The following LIPH variants were observed in gnomAD, a reference collection of about 807,000 sequenced individuals.
The protein encoded by LIPH is lipase H.
LIPH carries 32 observed loss-of-function variants against 47.6 expected under a neutral mutation model. The observed-to-expected ratio is 0.67, with a 90% CI of 0.51 to 0.90. LIPH has a LOEUF of 0.90. Among genes scored for constraint, LIPH ranks in the 40% least tolerant of loss-of-function variants. The pLI is 0.00. For missense variants in LIPH, 497 were observed against 541.4 expected (o/e 0.92, Z 0.81); for synonymous variants, 190 against 195.6 (o/e 0.97, Z 0.24).
chr3:185,540,909 A>G (rs965863790), intron 1 of LIPH, among the ~76,000 whole-genome samples: 27 of 151,996 alleles, frequency 1.8e-4, no homozygotes, highest in African/African-American at 6.0e-4. Flanking sequence ...TGGATTTCCG[A>G]CTCGGAGTGC....
At chr3:185,529,183 AAAAAAAAAAG>A (rs1411828289) in intron 3 of LIPH, among the ~76,000 whole-genome samples, 3 of 147,630 alleles carry the variant, frequency 2.0e-5, no homozygotes, top group Non-Finnish European at 4.5e-5. Flanking sequence ...TCTCAAAAAA[AAAAAAAAAAG>A]AAAAAAAGAA....
intron 1 of LIPH, among the ~76,000 whole-genome samples, chr3:185,551,812 AT>A (rs1157719357): frequency 6.6e-6 from 1 of 152,034 alleles, no homozygotes; most frequent in Non-Finnish European, 1.5e-5. Flanking sequence ...GTTGAATTTT[AT>A]TTTTTTAAGC....
intron 1 of LIPH, among the ~76,000 whole-genome samples, chr3:185,542,082 A>G (rs920574809): frequency 6.6e-6 from 1 of 151,964 alleles, no homozygotes; most frequent in African/African-American, 2.4e-5. Context: ...TTATGTGCAA[A>G]TTTATTCATC....
At position 185,527,560 on chromosome 3, in the gene LIPH, G is replaced by A; in HGVS notation, c.552C>T (p.Phe184=). The change falls in exon 4 of 10, where the codon TTC becomes TTT. Residue 184 remains phenylalanine (F), a synonymous_variant. Transcript: ENST00000296252. ...ITGLDPAGPL[F]NGKPHQDRLD... ...ATCTGTCTTGGTGAGGTTTCCCGTTGAATAAAGGGCCTGCAGGGTCGAGGC... is the reference window on the plus strand; with the variant it reads ...ATCTGTCTTGGTGAGGTTTCCCGTTAAATAAAGGGCCTGCAGGGTCGAGGC... 6.2e-7 allele frequency: 1 copy of A among 1,612,364 alleles called. No homozygotes were observed. The highest frequency in any genetic ancestry group is 8.5e-7 in the Non-Finnish European group (1 of 1,179,450).
chr3:185,516,354 A>T (rs1481535937), intron 7 of LIPH, among the ~76,000 whole-genome samples: 1 of 152,142 alleles, frequency 6.6e-6, no homozygotes, highest in East Asian at 1.9e-4. Context: ...GATCGCGTGA[A>T]CCCAGGAGGC....
At chr3:185,551,901 T>G (rs1333779327) in intron 1 of LIPH, among the ~76,000 whole-genome samples, 2 of 152,084 alleles carry the variant, frequency 1.3e-5, no homozygotes, top group African/African-American at 4.8e-5. Context: ...TAATAATTTT[T>G]AAGTTATAAG....
chr3:185,533,702 A>G lies in LIPH; in HGVS notation c.418-23T>C, dbSNP rs559806726. 9.7e-6 allele frequency: 14 copies of G among 1,444,060 alleles called. 1 individual carries two copies. Among genetic ancestry groups the G allele is most frequent in the South Asian group, 9.1e-5 (8 of 87,606 alleles). The allele number at this position is 1,444,060 out of a possible 1,614,324, so 89.5% of individuals were successfully genotyped here. A position where few individuals can be genotyped will look rare whatever the true frequency, so the allele number is the denominator to read the frequency against. ...TGCCTGGAATTTCAAGAGGTCCATC[A>G]TTGTAAATTGTAAGGGGCCAAGGAA... On this transcript the variant is annotated intron_variant, in intron 2 of 9. Coordinates refer to ENST00000296252, the MANE Select transcript of LIPH (RefSeq NM_139248.3).
intron 7 of LIPH, among the ~76,000 whole-genome samples, chr3:185,516,729 T>C (rs1719741067): frequency 6.6e-6 from 1 of 152,214 alleles, no homozygotes; most frequent in African/African-American, 2.4e-5. Flanking sequence ...TCTTAGTGAT[T>C]AGAATGGTCA....
At chr3:185,533,928 CA>C (rs1720418792) in intron 2 of LIPH, among the ~76,000 whole-genome samples, 1 of 152,184 alleles carries the variant, frequency 6.6e-6, no homozygotes, top group African/African-American at 2.4e-5. Flanking sequence ...GAGCAGGATT[CA>C]AAATAGTCTG....
chr3:185,546,001 C>CAAAA (rs529961219), intron 1 of LIPH, among the ~76,000 whole-genome samples: 1 of 130,466 alleles, frequency 7.7e-6, no homozygotes, highest in South Asian at 2.4e-4. Flanking sequence ...ACTAAAAATA[C>CAAAA]AAAAAAAAAA....
intron 1 of LIPH, among the ~76,000 whole-genome samples, chr3:185,547,828 A>C (rs988662185): frequency 2.0e-5 from 3 of 146,698 alleles, no homozygotes; most frequent in African/African-American, 7.4e-5. Flanking sequence ...TCCATCTCCA[A>C]AAAAAAAAAA....
Position 185,525,155 on chromosome 3 carries a change from C to T in LIPH, c.629-995G>A, listed in dbSNP as rs137974499. 4.6e-3 allele frequency among the ~76,000 whole-genome samples: 696 copies of T among 152,012 alleles called. 5 individuals are homozygous for T. The highest frequency in any genetic ancestry group is 0.016 in the African/African-American group (645 of 41,464). On this transcript the variant is annotated intron_variant, in intron 4 of 9. Coordinates refer to ENST00000296252, the MANE Select transcript of LIPH (RefSeq NM_139248.3). Reference sequence around the variant, plus strand: ...ACTCGAGCTAGGAGGAGGAGGGTGCCGTGAGCCAAAAGCGCGACTGCATTC... The same window carrying T: ...ACTCGAGCTAGGAGGAGGAGGGTGCTGTGAGCCAAAAGCGCGACTGCATTC...
At chr3:185,526,296 G>A (rs1435210180) in intron 4 of LIPH, among the ~76,000 whole-genome samples, 5 of 152,098 alleles carry the variant, frequency 3.3e-5, no homozygotes, top group African/African-American at 1.2e-4. Context: ...AAAGGCGGGT[G>A]GATCACCTGA....
chr3:185,533,039 G>A (rs1398166157), intron 3 of LIPH, among the ~76,000 whole-genome samples: 1 of 152,140 alleles, frequency 6.6e-6, no homozygotes, highest in African/African-American at 2.4e-5. Flanking sequence ...AAGCTACTAA[G>A]CCCTAGGCAG....
At chr3:185,540,579 A>T (rs1395225358) in intron 1 of LIPH, among the ~76,000 whole-genome samples, 2 of 151,982 alleles carry the variant, frequency 1.3e-5, no homozygotes, top group Non-Finnish European at 2.9e-5. Context: ...TTAGCCAGGC[A>T]TGGTGGCGTG....
At position 185,508,829 on chromosome 3, in the gene LIPH, T is replaced by A; in HGVS notation, c.1317A>T (p.Thr439=). The change falls in exon 10 of 10, where the codon ACA becomes ACT. Residue 439 remains threonine, a synonymous_variant. Coordinates refer to ENST00000296252, the MANE Select transcript of LIPH (RefSeq NM_139248.3). Reference sequence around the variant, plus strand: ...CTGGGCAAAGAATAGGTTGGAAGACTGTTTCAACGTTTTCCATCAGGACAA... The same window carrying A: ...CTGGGCAAAGAATAGGTTGGAAGACAGTTTCAACGTTTTCCATCAGGACAA... ...YDLVLMENVE[T]VFQPILCPEL... The A allele has an allele frequency of 1.2e-6, 2 of 1,614,020 alleles. No homozygotes were observed. The highest frequency in any genetic ancestry group is 1.7e-6 in the Non-Finnish European group (2 of 1,179,898).
intron 1 of LIPH, among the ~76,000 whole-genome samples, chr3:185,542,055 C>A (rs4362741): frequency 0.36 from 55,385 of 151,908 alleles, 10,246 homozygotes; most frequent in Non-Finnish European, 0.4. Flanking sequence ...CCGTGCCTGG[C>A]CATATTTGTG....
At chr3:185,534,139 C>T (rs140972670) in intron 2 of LIPH, among the ~76,000 whole-genome samples, 1,522 of 152,168 alleles carry the variant, frequency 0.01, 18 homozygotes, top group Non-Finnish European at 0.014. Flanking sequence ...AGGTGGATCA[C>T]GAGGTCAGGA....
At chr3:185,538,311 T>C (rs574821418) in intron 1 of LIPH, among the ~76,000 whole-genome samples, 73 of 152,292 alleles carry the variant, frequency 4.8e-4, no homozygotes, top group African/African-American at 1.6e-3. Flanking sequence ...CTATGTCAGG[T>C]GGCATTTTAG....
Sources: allele counts gnomAD v4.1 joint callset (sites outside exome capture counted in the v4.1 genomes callset), GRCh38; gene constraint gnomAD v4.1.1; transcripts MANE v1.5; gene names NCBI Gene and HGNC (gene_info 2026-07-23, HGNC 2026-07-21).